Variants in DBP observed in about 807,000 individuals in gnomAD.
The protein encoded by DBP is D site-binding protein.
A neutral mutation model predicts 21.4 loss-of-function variants in DBP; 12 were observed. The observed-to-expected ratio is 0.56, with a 90% CI of 0.36 to 0.91. The LOEUF is 0.91. Among genes scored for constraint, DBP ranks in the 40% least tolerant of loss-of-function variants. The pLI is 0.01. For missense variants in DBP, 423 were observed against 473.4 expected, an observed-to-expected ratio of 0.89 and a Z score of 0.99; for synonymous variants, 213 against 224.9, an observed-to-expected ratio of 0.95 and a Z score of 0.47.
chr19:48,635,490 C>T, intron 2 of DBP, 90 bp downstream of exon 2: 1 of 1,481,394 alleles, frequency 6.8e-7, no homozygotes, highest in Non-Finnish European at 9.0e-7. Context: ...GCAGCCAGGT[C>T]CCACGGTCCC....
chr19:48,634,742 G>C (rs2030721696), intron 2 of DBP: 2 of 985,558 alleles, frequency 2.0e-6, no homozygotes, highest in East Asian at 1.1e-4. Context: ...GCCCTGGTTC[G>C]GCCCGGAGGT....
chr19:48,636,942 G>T lies in DBP; in HGVS notation c.53C>A (p.Pro18Gln). Residue 18 changes from proline to glutamine, a missense_variant, in exon 1 of 4, where the codon CCG (proline) becomes CAG (glutamine). This residue lies in a region of DBP where 283 missense variants were observed against 273.7 expected (regional missense o/e 1.03). Coordinates refer to ENST00000222122, the MANE Select transcript of DBP (RefSeq NM_001352.5). ...TCCCCCGCCAGGGGGTGTCCCGGCCGGGCCGCCCAGCAGCAGAGGGGCCGG... is the reference window on the plus strand; with the variant it reads ...TCCCCCGCCAGGGGGTGTCCCGGCCTGGCCGCCCAGCAGCAGAGGGGCCGG... The part of the protein sequence containing the change: ...RTPAPLLLGG[P>Q]AGTPPGGGAL... The T allele has an allele frequency of 6.4e-7, 1 of 1,568,746 alleles. No individual in the cohort carries two copies. The highest frequency in any genetic ancestry group is 8.6e-7 in the Non-Finnish European group (1 of 1,158,524).
At chr19:48,635,306 T>C in intron 2 of DBP, 1 of 1,258,902 alleles carries the variant, frequency 7.9e-7, no homozygotes, top group Non-Finnish European at 1.0e-6. Flanking sequence ...CCACATCGTT[T>C]GTCCCCAAGT....
chr19:48,635,175 G>C (rs1016854873), intron 2 of DBP: 1 of 1,041,798 alleles, frequency 9.6e-7, no homozygotes, highest in Non-Finnish European at 1.2e-6. Context: ...CCCCTGTAAA[G>C]GACCTAGGGG....
rs1303621145 is a variant in DBP at position 48,634,875 on chromosome 19, C to A, written c.550+705G>T. The A allele has an allele frequency of 4.1e-6, 4 of 985,728 alleles. No homozygotes were observed. In the African/African-American group the frequency reaches 7.0e-5, roughly 17 times the overall value. 61.1% of individuals were successfully genotyped at this position (985,728 alleles called of 1,614,324 possible). ...CAGTCACTTAGTTCCACTCAACCTC[C>A]AAAGATTCCCAACCCCCTGCTCTCC... On this transcript the variant is annotated intron_variant, in intron 2 of 3. Transcript: ENST00000222122.
chr19:48,635,170 G>C, intron 2 of DBP: 2 of 1,031,152 alleles, frequency 1.9e-6, no homozygotes, highest in Non-Finnish European at 2.3e-6. Flanking sequence ...CTTTGCCCCT[G>C]TAAAGGACCT....
At chr19:48,636,125 G>A in intron 1 of DBP, 135 bp from the exon 2 acceptor site, 1 of 824,218 alleles carries the variant, frequency 1.2e-6, no homozygotes, top group South Asian at 2.1e-5. Flanking sequence ...GGAGAGACGG[G>A]AGAAAAAGGG....
In DBP at chr19:48,630,988, C is replaced by T; in HGVS notation, c.827G>A (p.Arg276Gln). ...NEAAKRSRDARRLKENQISVR... is the reference protein window; with the variant it reads ...NEAAKRSRDAQRLKENQISVR... ...CGATATCTGGTTCTCCTTGAGCCGC[C>T]GGGCGTCACGGGACCGCTTGGCTGC... is the stretch of plus-strand genomic sequence containing the variant. Residue 276 changes from arginine to glutamine, a missense_variant, in exon 4 of 4, where the codon CGG becomes CAG. By Grantham distance (43) the Arg-to-Gln change is conservative. This residue lies in a region of DBP where 30 missense variants were observed against 70.9 expected (regional missense o/e 0.42). Coordinates refer to ENST00000222122, the MANE Select transcript of DBP (RefSeq NM_001352.5). The surrounding 1 kb of genome is among the most constrained non-coding windows in gnomAD (Gnocchi z 4.9). 6.2e-7 allele frequency: 1 copy of T among 1,613,732 alleles called. No homozygotes were observed. Among genetic ancestry groups the T allele is most frequent in the Admixed American group, 1.7e-5 (1 of 60,006 alleles).
At chr19:48,636,569 G>C (rs1601182941) in intron 1 of DBP, among the ~76,000 whole-genome samples, 2 of 150,984 alleles carry the variant, frequency 1.3e-5, no homozygotes, top group African/African-American at 4.8e-5. Context: ...CCAGACTCCC[G>C]GACCAAAAGG....
chr19:48,632,570 T>G (rs1335263849), intron 3 of DBP: 1 of 152,250 alleles, frequency 6.6e-6, no homozygotes, highest in Non-Finnish European at 1.5e-5. Context: ...TGGCCCGGAA[T>G]GACAAAGTCT....
chr19:48,636,812 G>C (rs377129998), intron 1 of DBP, 44 bp downstream of exon 1: 22 of 1,605,684 alleles, frequency 1.4e-5, no homozygotes, highest in Non-Finnish European at 1.5e-5. Context: ...AGTCCCTAAG[G>C]GGGTAGGGTG....
At chr19:48,635,241 C>G in intron 2 of DBP, 2 of 1,163,038 alleles carry the variant, frequency 1.7e-6, no homozygotes, top group Non-Finnish European at 2.1e-6. Context: ...GGTCAGTCCA[C>G]TCCCCAGTAA....
chr19:48,635,163 T>TG (rs1209819617), intron 2 of DBP: 1 of 1,022,172 alleles, frequency 9.8e-7, no homozygotes, highest in African/African-American at 1.7e-5. Flanking sequence ...CCTTTGCCTT[T>TG]GCCCCTGTAA....
At chr19:48,631,085 C>A in intron 3 of DBP, 33 bp from the exon 4 acceptor site, 1 of 1,584,110 alleles carries the variant, frequency 6.3e-7, no homozygotes. Context: ...CACTGAGGTC[C>A]AGAGGGACCC....
At chr19:48,633,732 T>C in intron 2 of DBP, 77 bp from the exon 3 acceptor site, 2 of 1,236,794 alleles carry the variant, frequency 1.6e-6, no homozygotes, top group Non-Finnish European at 2.4e-6. Flanking sequence ...TGCTGTGGTA[T>C]CATAGCCACA....
chr19:48,633,401 A>C (rs2030667642), intron 3 of DBP, 43 bp downstream of exon 3: 3 of 1,588,970 alleles, frequency 1.9e-6, no homozygotes, highest in East Asian at 2.2e-5. Flanking sequence ...GCTGTGGGGC[A>C]TGTCTCCAGC....
chr19:48,631,134 G>A, intron 3 of DBP, 82 bp from the exon 4 acceptor site: 3 of 1,260,728 alleles, frequency 2.4e-6, no homozygotes, highest in East Asian at 5.0e-5. Flanking sequence ...CAGCAGCGGG[G>A]CCTAAACCAC....
chr19:48,633,756 T>C (rs1459964011), intron 2 of DBP, 101 bp from the exon 3 acceptor site: 6 of 1,005,748 alleles, frequency 6.0e-6, no homozygotes, highest in African/African-American at 1.6e-5. Flanking sequence ...AAAGTCCTTC[T>C]GGGATCTAGC....
In DBP at chr19:48,635,214, A is replaced by G. The variant is rs2030737503; in HGVS notation, c.550+366T>C. ...CAGTCCTATCCCAGTTCCATCGATT[A>G]TGGGCCCAGATTCGGGGGTCAGTCC... On this transcript the variant is annotated intron_variant, in intron 2 of 3. Transcript: ENST00000222122. The G allele has an allele frequency of 1.1e-5, 12 of 1,116,560 alleles. 1 individual carries two copies. Among genetic ancestry groups the G allele is most frequent in the African/African-American group, 1.7e-5 (1 of 58,334 alleles). 69.2% of individuals were successfully genotyped at this position (1,116,560 alleles called of 1,614,324 possible). A position where few individuals can be genotyped will look rare whatever the true frequency, so the allele number is the denominator to read the frequency against.
Sources: allele counts gnomAD v4.1 joint callset (sites outside exome capture counted in the v4.1 genomes callset), GRCh38; gene constraint gnomAD v4.1.1; regional missense constraint gnomAD v4.1.1; non-coding constraint Gnocchi (gnomAD v3.1); transcripts MANE v1.5; gene names NCBI Gene and HGNC (gene_info 2026-07-23, HGNC 2026-07-21).